Variants in BTN3A1 observed in about 807,000 individuals in gnomAD.
BTN3A1 encodes the protein dJ45P21.3 (butyrophilin, subfamily 3, member A1).
BTN3A1 carries 24 observed loss-of-function variants against 43.0 expected under a neutral mutation model. The ratio of observed to expected loss-of-function variants is 0.56; its 90% CI spans 0.40 to 0.78. The LOEUF (loss-of-function observed/expected upper bound fraction) is 0.78, where lower values mean the gene tolerates loss of function less well. Among genes scored for constraint, BTN3A1 ranks in the 30% least tolerant of loss-of-function variants. BTN3A1 has a pLI of 0.00. For synonymous variants in BTN3A1, 181 were observed against 234.7 expected (o/e 0.77, Z 2.09); for missense variants, 533 against 626.2 (o/e 0.85, Z 1.59).
chr6:26,405,690 C>A (rs1233741665), intron 2 of BTN3A1, 42 bp downstream of exon 2: 1 of 1,607,608 alleles, frequency 6.2e-7, no homozygotes, highest in African/African-American at 1.3e-5. Context: ...CAGACAATTA[C>A]CTAATTATGT....
chr6:26,413,011 C>A lies in BTN3A1; in HGVS notation c.1019-158C>A. 13 of 1,471,546 alleles carry A rather than the reference C, an allele frequency of 8.8e-6. No homozygotes were observed. The South Asian group carries it at 1.5e-4, about 17-fold the overall frequency. The allele number at this position is 1,471,546 out of a possible 1,614,324, so 91.2% of individuals were successfully genotyped here. A position where few individuals can be genotyped will look rare whatever the true frequency, so the allele number is the denominator to read the frequency against. On this transcript the variant is annotated intron_variant, in intron 9 of 9. Transcript: ENST00000289361. ...CAAGATACCTGATACCTGGGGCTTT[C>A]TCTCCTGACATCGATGAGAGAGTCA...
chr6:26,407,437 C>T (rs965517793), intron 3 of BTN3A1, among the ~76,000 whole-genome samples: 4 of 152,182 alleles, frequency 2.6e-5, no homozygotes, highest in Admixed American at 1.3e-4. Flanking sequence ...TTCAAAACAG[C>T]TCCCTCTCCT....
At chr6:26,405,853 C>G in intron 2 of BTN3A1, 56 bp from the exon 3 acceptor site, 1 of 1,612,682 alleles carries the variant, frequency 6.2e-7, no homozygotes, top group Non-Finnish European at 8.5e-7. Context: ...AGCACCCTTC[C>G]TCTCATGACC....
intron 7 of BTN3A1, among the ~76,000 whole-genome samples, chr6:26,410,738 C>CATAT (rs1554132485): frequency 6.7e-6 from 1 of 149,426 alleles, no homozygotes; most frequent in African/African-American, 2.5e-5. Flanking sequence ...TATATATACA[C>CATAT]ATATATACAT....
intron 4 of BTN3A1, 62 bp from the exon 5 acceptor site, chr6:26,409,471 C>T (rs1168469820): frequency 1.1e-5 from 17 of 1,488,472 alleles, no homozygotes; most frequent in Non-Finnish European, 1.4e-5. Flanking sequence ...ACACTTGGGG[C>T]GCTGCAGTCT....
chr6:26,412,470 G>C, intron 9 of BTN3A1: 1 of 1,527,044 alleles, frequency 6.5e-7, no homozygotes, highest in Non-Finnish European at 8.9e-7. Context: ...CAGTGGCACT[G>C]TCTCAGGAAT....
At chr6:26,402,727 T>A (rs1761894038) in intron 1 of BTN3A1, among the ~76,000 whole-genome samples, 1 of 142,716 alleles carries the variant, frequency 7.0e-6, no homozygotes, top group Non-Finnish European at 1.5e-5. Context: ...TTCTAAGAGA[T>A]TCTAAAAAGA....
chr6:26,406,090 G>A lies in BTN3A1; in HGVS notation c.267G>A (p.Gln89=). 1 of 1,601,610 alleles carries A rather than the reference G, an allele frequency of 6.2e-7. No homozygotes were observed. Among genetic ancestry groups the A allele is most frequent in the Non-Finnish European group, 8.5e-7 (1 of 1,174,010 alleles). The change falls in exon 3 of 10, where the codon CAG becomes CAA. Residue 89 remains glutamine, a synonymous_variant. Transcript: ENST00000289361. Reference sequence around the variant, plus strand: ...ATGGAAAGGAAGTGGAAGACAGGCAGAGTGCACCGTATCGAGGGAGAACTT... The same window carrying A: ...ATGGAAAGGAAGTGGAAGACAGGCAAAGTGCACCGTATCGAGGGAGAACTT... ...YADGKEVEDR[Q]SAPYRGRTSI...
intron 9 of BTN3A1, chr6:26,412,883 C>T (rs1052054136): frequency 1.4e-5 from 21 of 1,497,866 alleles, no homozygotes; most frequent in South Asian, 5.4e-5. Flanking sequence ...ACAAGAAAAA[C>T]GTAGAAAGGA....
At position 26,413,350 on chromosome 6, in the gene BTN3A1, G is replaced by A. The variant is rs147311084; in HGVS notation, c.1200G>A (p.Glu400=). The stretch of plus-strand genomic sequence containing the variant: ...CAGGGAGACATTACTGGGAGGTGGA[G>A]GTAGGGGACAGGAAAGAGTGGCATA... ...FISGRHYWEV[E]VGDRKEWHIG... The change falls in exon 10 of 10, where the codon GAG becomes GAA. Residue 400 remains glutamate (E), a synonymous_variant. Transcript: ENST00000289361. 2 of 1,614,036 alleles carry A rather than the reference G, an allele frequency of 1.2e-6. No individual in the cohort carries two copies. Among genetic ancestry groups the A allele is most frequent in the South Asian group, 1.1e-5 (1 of 91,082 alleles).
rs1762339819 is a variant in BTN3A1 at position 26,415,039 on chromosome 6, T to C, written c.*1347T>C. 1 of 152,164 alleles carries C rather than the reference T, an allele frequency of 6.6e-6. No homozygotes were observed. Among genetic ancestry groups the C allele is most frequent in the African/African-American group, 2.4e-5 (1 of 41,434 alleles). 9.4% of individuals were successfully genotyped at this position (152,164 alleles called of 1,614,324 possible). A position where few individuals can be genotyped will look rare whatever the true frequency, so the allele number is the denominator to read the frequency against. On this transcript the variant is annotated 3_prime_UTR_variant, in exon 10 of 10. Coordinates refer to ENST00000289361, the MANE Select transcript of BTN3A1 (RefSeq NM_007048.6). ...ACTCTGTCTCCAGGAGAGGGGTCTA[T>C]CCACCCCTGCTCATTGGTGGATGTT...
intron 3 of BTN3A1, among the ~76,000 whole-genome samples, chr6:26,406,914 C>T (rs537733428): frequency 6.6e-6 from 1 of 152,270 alleles, no homozygotes; most frequent in East Asian, 1.9e-4. Flanking sequence ...TGAGTGAGAA[C>T]CTTAATCAAT....
At position 26,413,560 on chromosome 6, in the gene BTN3A1, T is replaced by G. The variant is rs752612510; in HGVS notation, c.1410T>G (p.Asp470Glu). 9.9e-6 allele frequency: 16 copies of G among 1,614,170 alleles called. 1 individual carries two copies. The South Asian group carries it at 1.6e-4, about 17-fold the overall frequency. The change falls in exon 10 of 10, where the codon GAT becomes GAG. Residue 470 changes from aspartate (D) to glutamate (E), a missense_variant. Asp to Glu is a conservative substitution (Grantham distance 45). Around this residue, in one of 4 missense-constraint regions of BTN3A1, gnomAD observed 415 missense variants for 427.0 expected, o/e 0.97. Coordinates refer to ENST00000289361, the MANE Select transcript of BTN3A1 (RefSeq NM_007048.6). ...TCTTCCTGGACTATGAGACTGGAGA[T>G]ATCTCATTCTACAATGCTGTGGATG... ...VGVFLDYETG[D>E]ISFYNAVDGS... is the part of the protein sequence containing the mutation.
Position 26,413,662 on chromosome 6 carries a change from G to A in BTN3A1, c.1512G>A (p.Glu504=), listed in dbSNP as rs148488957. 8.1e-6 allele frequency: 13 copies of A among 1,613,386 alleles called. No homozygotes were observed. Among genetic ancestry groups the A allele is most frequent in the Non-Finnish European group, 1.7e-6 (2 of 1,179,804 alleles). ...CTGTTTTCAGAATTTTGACCTTGGA[G>A]CCCACGGCCCTGACTATTTGTCCAG... The part of the protein sequence containing the change: ...LYPVFRILTL[E]PTALTICPA Residue 504 remains glutamate (E), a synonymous_variant, in exon 10 of 10, where the codon GAG becomes GAA. Coordinates refer to ENST00000289361, the MANE Select transcript of BTN3A1 (RefSeq NM_007048.6).
At chr6:26,407,316 A>G (rs1415401278) in intron 3 of BTN3A1, among the ~76,000 whole-genome samples, 1 of 152,304 alleles carries the variant, frequency 6.6e-6, no homozygotes, top group Middle Eastern at 3.4e-3. Context: ...CTGGGTGCTT[A>G]GTCCCTGGCT....
chr6:26,413,724 G>T lies in BTN3A1; in HGVS notation c.*32G>T. 6.2e-7 allele frequency: 1 copy of T among 1,609,490 alleles called. No individual in the cohort carries two copies. On this transcript the variant is annotated 3_prime_UTR_variant, in exon 10 of 10. Coordinates refer to ENST00000289361, the MANE Select transcript of BTN3A1 (RefSeq NM_007048.6). Reference sequence around the variant, plus strand: ...GAAGAGAGTTCCTCCAATTCTGACCGAGTGCTGATCATTCCCTAGAGACAC... The same window carrying T: ...GAAGAGAGTTCCTCCAATTCTGACCTAGTGCTGATCATTCCCTAGAGACAC...
At chr6:26,407,263 G>T (rs769304659) in intron 3 of BTN3A1, among the ~76,000 whole-genome samples, 1 of 152,128 alleles carries the variant, frequency 6.6e-6, no homozygotes, top group Non-Finnish European at 1.5e-5. Flanking sequence ...TGGTCAGCAG[G>T]GATCTGTAGC....
intron 1 of BTN3A1, among the ~76,000 whole-genome samples, chr6:26,404,948 G>A (rs941799149): frequency 1.3e-5 from 2 of 152,198 alleles, no homozygotes; most frequent in Non-Finnish European, 2.9e-5. Context: ...GTAAATATTT[G>A]TTGAATGACT....
At chr6:26,403,533 A>C (rs1323204801) in intron 1 of BTN3A1, among the ~76,000 whole-genome samples, 1 of 152,142 alleles carries the variant, frequency 6.6e-6, no homozygotes, top group Non-Finnish European at 1.5e-5. Context: ...ATTTGGGTCA[A>C]AGCACACACC....
Sources: gnomAD v4.1 joint callset for allele counts (sites outside exome capture counted in the v4.1 genomes callset) on GRCh38, gnomAD v4.1.1 for gene constraint, gnomAD v4.1.1 regional missense constraint, MANE v1.5 for transcripts, NCBI Gene and HGNC (gene_info 2026-07-23, HGNC 2026-07-21) for gene names.